TRAPPC9: variants seen among roughly 807,000 people sequenced by gnomAD.
TRAPPC9 encodes the protein trafficking protein particle complex subunit 9.
Under a neutral mutation model 124.0 loss-of-function variants are expected in TRAPPC9, and 83 were observed. That is an observed-to-expected ratio of 0.67 (90% CI 0.56 to 0.80). TRAPPC9 has a LOEUF of 0.80. TRAPPC9 is among the 30% of genes least tolerant of loss of function. The probability of loss-of-function intolerance (pLI) is 0.00; values close to 1 mark genes in which losing one functional copy is unlikely to be tolerated. For missense variants in TRAPPC9, 1,302 were observed against 1,508.3 expected (o/e 0.86, Z 2.27); for synonymous variants, 638 against 617.5 (o/e 1.03, Z -0.49).
At position 140,087,851 on chromosome 8, in the gene TRAPPC9, G is replaced by A. The variant is rs545021575; in HGVS notation, c.2557-63772C>T. 2.6e-5 allele frequency among the ~76,000 whole-genome samples: 4 copies of A among 152,058 alleles called. No homozygotes were observed. The South Asian group carries it at 6.2e-4, about 24-fold the overall frequency. ...TGGCTCTCTCCTGCAGCTTGTCGCC[G>A]CCAGCCCCAGAAAAACCCACCATCA... On this transcript the variant is annotated intron_variant, in intron 17 of 22. Coordinates refer to ENST00000438773, the MANE Select transcript of TRAPPC9 (RefSeq NM_001160372.4). This position sits in a 1 kb window ranked among gnomAD's most constrained non-coding sequence, Gnocchi z 4.6.
chr8:139,832,801 G>A (rs1226565871), intron 21 of TRAPPC9, among the ~76,000 whole-genome samples: 5 of 152,124 alleles, frequency 3.3e-5, no homozygotes, highest in Non-Finnish European at 5.9e-5. Context: ...GATGACCCCC[G>A]GAGACCCTCG....
intron 19 of TRAPPC9, among the ~76,000 whole-genome samples, chr8:139,987,196 T>A (rs1837292867): frequency 6.6e-6 from 1 of 152,214 alleles, no homozygotes. Context: ...GGCCTCTATT[T>A]TCTGGCTAGA....
At chr8:139,972,353 A>G (rs960333853) in intron 19 of TRAPPC9, among the ~76,000 whole-genome samples, 2 of 152,180 alleles carry the variant, frequency 1.3e-5, no homozygotes, top group Admixed American at 6.5e-5. Context: ...ACAACATTTG[A>G]TACTTGTTTT....
chr8:140,112,552 C>A (rs1234242318), intron 17 of TRAPPC9, among the ~76,000 whole-genome samples: 1 of 152,178 alleles, frequency 6.6e-6, no homozygotes, highest in Non-Finnish European at 1.5e-5. Flanking sequence ...TGTCAGGCAC[C>A]AGGCTGGACG....
intron 20 of TRAPPC9, among the ~76,000 whole-genome samples, chr8:139,899,939 G>A (rs1225059253): frequency 6.6e-6 from 1 of 152,148 alleles, no homozygotes; most frequent in African/African-American, 2.4e-5. Flanking sequence ...AAGGCAGGGA[G>A]CACAACCCCA....
chr8:139,734,151 G>C (rs549958587), intron 21 of TRAPPC9, among the ~76,000 whole-genome samples: 71 of 152,290 alleles, frequency 4.7e-4, no homozygotes, highest in African/African-American at 1.6e-3. Context: ...AGGGTCCTGG[G>C]TTCACAGGGA....
intron 21 of TRAPPC9, among the ~76,000 whole-genome samples, chr8:139,805,901 A>C (rs988531704): frequency 3.9e-5 from 6 of 152,250 alleles, no homozygotes; most frequent in African/African-American, 1.4e-4. Context: ...TCAATGTATA[A>C]AAGCCTGGTT....
Position 140,241,226 on chromosome 8 carries a change from C to G in TRAPPC9, c.2431+11551G>C, listed in dbSNP as rs2063848755. Reference sequence around the variant, plus strand: ...CCAGCCTGTCCAACATGATGAAACCCTGTCTCTACTAAAAATACAAAAATT... The same window carrying G: ...CCAGCCTGTCCAACATGATGAAACCGTGTCTCTACTAAAAATACAAAAATT... On this transcript the variant is annotated intron_variant, in intron 16 of 22. Transcript: ENST00000438773. The surrounding 1 kb of genome is among the most constrained non-coding windows in gnomAD (Gnocchi z 5.0). Among the ~76,000 whole-genome samples the G allele has an allele frequency of 6.6e-6, 1 of 152,192 alleles. No individual in the cohort carries two copies. The highest frequency in any genetic ancestry group is 1.5e-5 in the Non-Finnish European group (1 of 68,030).
At chr8:140,110,195 TC>T (rs945419135) in intron 17 of TRAPPC9, among the ~76,000 whole-genome samples, 1 of 147,914 alleles carries the variant, frequency 6.8e-6, no homozygotes, top group Non-Finnish European at 1.5e-5. Context: ...TGGCAGCAGC[TC>T]CCCCATGCAC....
rs2063508308 is a variant in TRAPPC9 at position 140,228,618 on chromosome 8, G to GT, written c.2432-7036dup. Among the ~76,000 whole-genome samples the GT allele has an allele frequency of 2.0e-5, 3 of 152,306 alleles. No individual in the cohort carries two copies. The East Asian group carries it at 5.8e-4, about 29-fold the overall frequency. On this transcript the variant is annotated intron_variant, in intron 16 of 22. Transcript: ENST00000438773. ...GATGCTCCCTGCAGTGGGACCAGAC[G>GT]TAAAGTCCTCTGCCCTCACTGACAT...
In TRAPPC9 at chr8:139,958,555, A is replaced by G. The variant is rs117176417; in HGVS notation, c.2810+30171T>C. The stretch of plus-strand genomic sequence containing the variant: ...GTTATCCCGACTGCACTCAGCACAG[A>G]GCCATCACTCAGTAAAATGTGTCTA... On this transcript the variant is annotated intron_variant, in intron 19 of 22. Coordinates refer to ENST00000438773, the MANE Select transcript of TRAPPC9 (RefSeq NM_001160372.4). Among the ~76,000 whole-genome samples the G allele has an allele frequency of 1.1e-3, 172 of 152,278 alleles. 5 individuals carry two copies. In the East Asian group the frequency reaches 0.031, roughly 27 times the overall value.
chr8:139,900,236 C>T (rs778942607), intron 20 of TRAPPC9, among the ~76,000 whole-genome samples: 2 of 152,342 alleles, frequency 1.3e-5, no homozygotes, highest in East Asian at 1.9e-4. Context: ...CCAGAGACGG[C>T]GCTGTTTGCT....
chr8:140,378,487 C>T lies in TRAPPC9; in HGVS notation c.1135-7307G>A, dbSNP rs935640719. ...CTCCAAGTTCTTCATTTTTGAGACT[C>T]GGACTGGCTCTCCTTGCTCCTCAGC... On this transcript the variant is annotated intron_variant, in intron 7 of 22. Coordinates refer to ENST00000438773, the MANE Select transcript of TRAPPC9 (RefSeq NM_001160372.4). Among the ~76,000 whole-genome samples the T allele has an allele frequency of 1.2e-4, 18 of 152,252 alleles. No individual in the cohort carries two copies. The South Asian group carries it at 2.5e-3, about 21-fold the overall frequency.
intron 21 of TRAPPC9, among the ~76,000 whole-genome samples, chr8:139,875,090 A>G (rs1451492017): frequency 6.6e-6 from 1 of 152,182 alleles, no homozygotes; most frequent in Admixed American, 6.5e-5. Context: ...CAGGCTCCCA[A>G]ATGGTATTTC....
At chr8:140,374,095 G>A (rs2068364788) in intron 7 of TRAPPC9, among the ~76,000 whole-genome samples, 1 of 152,158 alleles carries the variant, frequency 6.6e-6, no homozygotes, top group African/African-American at 2.4e-5. Flanking sequence ...TTTGCCCGAG[G>A]TCACAAAGAT....
intron 7 of TRAPPC9, among the ~76,000 whole-genome samples, chr8:140,382,731 G>T (rs980529989): frequency 2.6e-5 from 4 of 152,194 alleles, no homozygotes; most frequent in Admixed American, 6.5e-5. Context: ...CCACCTCTGG[G>T]GACAGGGCAT....
At chr8:139,947,907 T>TATATATATATATATATTTAGAGGGAG in intron 19 of TRAPPC9, among the ~76,000 whole-genome samples, 1 of 60,364 alleles carries the variant, frequency 1.7e-5, no homozygotes, top group Non-Finnish European at 3.3e-5. Flanking sequence ...TATATATATA[T>TATATATATATATATATTTAGAGGGAG]AGAGAGAGAG....
chr8:139,733,706 C>T (rs1208628133), intron 21 of TRAPPC9, among the ~76,000 whole-genome samples: 1 of 152,246 alleles, frequency 6.6e-6, no homozygotes, highest in Non-Finnish European at 1.5e-5. Flanking sequence ...AGAGCACTCC[C>T]ACCCCTTCTG....
At chr8:140,159,453 C>T (rs1398333354) in intron 17 of TRAPPC9, among the ~76,000 whole-genome samples, 5 of 152,098 alleles carry the variant, frequency 3.3e-5, no homozygotes, top group East Asian at 3.9e-4. Context: ...AGACATCTGC[C>T]GATGTCTCCT....
Sources: gnomAD v4.1 joint callset for allele counts (sites outside exome capture counted in the v4.1 genomes callset) on GRCh38, gnomAD v4.1.1 for gene constraint, Gnocchi (gnomAD v3.1) non-coding constraint, MANE v1.5 for transcripts, NCBI Gene and HGNC (gene_info 2026-07-23, HGNC 2026-07-21) for gene names.